The following PHLDB2 variants were observed in gnomAD, a reference collection of about 807,000 sequenced individuals.
PHLDB2 encodes the protein pleckstrin homology like domain family B member 2.
In PHLDB2, 71 loss-of-function variants were observed where a neutral mutation model predicts 123.6. The observed-to-expected ratio is 0.57, with a 90% CI of 0.47 to 0.70. The LOEUF is 0.70. Among genes scored for constraint, PHLDB2 ranks in the 30% least tolerant of loss-of-function variants. PHLDB2 has a pLI of 0.00. For synonymous variants in PHLDB2, 547 were observed against 541.6 expected (o/e 1.01, Z -0.14); for missense variants, 1,446 against 1,519.5 (o/e 0.95, Z 0.80).
chr3:111,933,892 C>T (rs2069293499), intron 6 of PHLDB2, among the ~76,000 whole-genome samples: 1 of 152,174 alleles, frequency 6.6e-6, no homozygotes, highest in African/African-American at 2.4e-5. Flanking sequence ...TTGTCCTTCC[C>T]TTCCTCTGGT....
chr3:111,789,764 T>A (rs752161149), intron 1 of PHLDB2, among the ~76,000 whole-genome samples: 9 of 152,168 alleles, frequency 5.9e-5, no homozygotes, highest in Non-Finnish European at 8.8e-5. Flanking sequence ...AAATAGCAGT[T>A]ACCGCCGTGC....
intron 1 of PHLDB2, among the ~76,000 whole-genome samples, chr3:111,861,035 G>T (rs7623194): frequency 7.3e-4 from 111 of 152,274 alleles, no homozygotes; most frequent in African/African-American, 1.9e-3. Flanking sequence ...TTTGAATTCG[G>T]CTGGGAGAGA....
At chr3:111,893,520 T>C (rs17491175) in intron 2 of PHLDB2, among the ~76,000 whole-genome samples, 15,734 of 152,186 alleles carry the variant, frequency 0.1, 1,058 homozygotes, top group Non-Finnish European at 0.15. Flanking sequence ...TACTCTGAGC[T>C]AGAATGGCCA....
chr3:111,938,611 A>C (rs2069652023), intron 6 of PHLDB2, among the ~76,000 whole-genome samples: 2 of 152,130 alleles, frequency 1.3e-5, no homozygotes, highest in African/African-American at 4.8e-5. Context: ...AACGAGTATG[A>C]AAGGGGTCTA....
intron 2 of PHLDB2, among the ~76,000 whole-genome samples, chr3:111,892,204 G>C (rs2066543889): frequency 6.6e-6 from 1 of 152,146 alleles, no homozygotes; most frequent in South Asian, 2.1e-4. Context: ...TTGAAAATAA[G>C]GTTGGCTTTC....
chr3:111,895,055 GA>G (rs869241290), intron 2 of PHLDB2, among the ~76,000 whole-genome samples: 55 of 77,404 alleles, frequency 7.1e-4, no homozygotes, highest in African/African-American at 2.0e-3. Flanking sequence ...AACTGAGAGT[GA>G]AAAAAAAAAA....
At chr3:111,953,894 C>T in intron 11 of PHLDB2, 36 bp from the exon 12 acceptor site, 1 of 1,543,758 alleles carries the variant, frequency 6.5e-7, no homozygotes, top group Non-Finnish European at 8.9e-7. Flanking sequence ...ATTCAGCCTG[C>T]AGCTTGCCTG....
intron 1 of PHLDB2, among the ~76,000 whole-genome samples, chr3:111,832,138 C>T (rs2063067612): frequency 6.6e-6 from 1 of 152,164 alleles, no homozygotes; most frequent in African/African-American, 2.4e-5. Flanking sequence ...CCCAGATACA[C>T]CCTTGACTGC....
At chr3:111,944,956 G>GC (rs2070196479) in intron 8 of PHLDB2, among the ~76,000 whole-genome samples, 1 of 152,136 alleles carries the variant, frequency 6.6e-6, no homozygotes. Context: ...ACAGGCGTGA[G>GC]CCATCACACC....
At chr3:111,869,040 A>G (rs186182580) in intron 1 of PHLDB2, among the ~76,000 whole-genome samples, 30 of 152,372 alleles carry the variant, frequency 2.0e-4, no homozygotes, top group African/African-American at 7.0e-4. Context: ...ACGTAAAACA[A>G]TGTAGACTGA....
At chr3:111,882,284 G>T (rs979101170) in intron 1 of PHLDB2, among the ~76,000 whole-genome samples, 1 of 152,110 alleles carries the variant, frequency 6.6e-6, no homozygotes, top group Non-Finnish European at 1.5e-5. Flanking sequence ...TCCAAGGCTT[G>T]CTGGAATTTC....
intron 10 of PHLDB2, chr3:111,949,568 T>G: frequency 2.7e-6 from 1 of 368,896 alleles, no homozygotes; most frequent in Non-Finnish European, 3.8e-6. Context: ...GAGGCTAAAT[T>G]GAAAGATATT....
chr3:111,949,623 C>G, intron 10 of PHLDB2: 1 of 761,546 alleles, frequency 1.3e-6, no homozygotes, highest in Middle Eastern at 6.9e-4. Context: ...CAAAACAGAA[C>G]AAACTATCAA....
chr3:111,780,621 G>C (rs1041438420), intron 1 of PHLDB2, among the ~76,000 whole-genome samples: 18 of 151,952 alleles, frequency 1.2e-4, no homozygotes, highest in African/African-American at 4.1e-4. Context: ...CTAAGACTAA[G>C]ACAGCATCTC....
At chr3:111,848,281 T>C (rs2064093712) in intron 2 of PHLDB2, among the ~76,000 whole-genome samples, 1 of 152,174 alleles carries the variant, frequency 6.6e-6, no homozygotes, top group Non-Finnish European at 1.5e-5. Flanking sequence ...TACCAGTGAA[T>C]TATTCATCAA....
intron 1 of PHLDB2, among the ~76,000 whole-genome samples, chr3:111,803,647 A>G (rs554333729): frequency 6.6e-6 from 1 of 152,320 alleles, no homozygotes; most frequent in South Asian, 2.1e-4. Context: ...TTGAAATCAA[A>G]CAAACTCAGG....
rs932458362 is a variant in PHLDB2, at chr3:111,819,716, C to T, written c.-48-26105C>T. Among the ~76,000 whole-genome samples, 4 of 152,162 alleles carry T rather than the reference C, an allele frequency of 2.6e-5. No individual in the cohort carries two copies. The South Asian group carries it at 6.2e-4, about 24-fold the overall frequency. On this transcript the variant is annotated intron_variant, in intron 1 of 17. Transcript: ENST00000393923. ...GAAAACAAACCCACTATTATCTCAA[C>T]CCCAGTGTCGTTTGTCCTTCAGAAG...
At chr3:111,813,387 G>A (rs1412071807) in intron 1 of PHLDB2, among the ~76,000 whole-genome samples, 1 of 151,986 alleles carries the variant, frequency 6.6e-6, no homozygotes, top group Non-Finnish European at 1.5e-5. Context: ...AGTATATTTA[G>A]TTTCCCCCTC....
rs541311985 is a variant in PHLDB2, at chr3:111,904,211, G to C, written c.1336-9108G>C. Reference sequence around the variant, plus strand: ...GAGAATTGCTTGGACCCAAGAGGTGGGGGTTGCAATGAGCCAAGATTGCAA... The same window carrying C: ...GAGAATTGCTTGGACCCAAGAGGTGCGGGTTGCAATGAGCCAAGATTGCAA... On this transcript the variant is annotated intron_variant, in intron 2 of 17. Transcript: ENST00000431670. Among the ~76,000 whole-genome samples the C allele has an allele frequency of 4.1e-5, 6 of 147,132 alleles. No individual in the cohort carries two copies. In the East Asian group the frequency reaches 1.2e-3, roughly 30 times the overall value.
Sources: gnomAD v4.1 joint callset for allele counts (sites outside exome capture counted in the v4.1 genomes callset) on GRCh38, gnomAD v4.1.1 for gene constraint, MANE v1.5 for transcripts, NCBI Gene and HGNC (gene_info 2026-07-23, HGNC 2026-07-21) for gene names.